Variants in MAGI1 observed in about 807,000 individuals in gnomAD.
The protein encoded by MAGI1 is membrane-associated guanylate kinase, WW and PDZ domain-containing protein 1.
Under a neutral mutation model 139.9 loss-of-function variants are expected in MAGI1, and 58 were observed. The observed-to-expected ratio is 0.41, with a 90% confidence interval of 0.34 to 0.52. MAGI1 has a LOEUF of 0.52. Ranked by LOEUF, MAGI1 falls within the 20% of genes least tolerant of loss-of-function variation. The pLI is 0.12. For synonymous variants in MAGI1, 812 were observed against 737.9 expected (o/e 1.10, Z -1.63); for missense variants, 1,874 against 1,901.6 (o/e 0.99, Z 0.27).
chr3:65,427,336 C>T (rs912991919), intron 12 of MAGI1, among the ~76,000 whole-genome samples: 1 of 151,972 alleles, frequency 6.6e-6, no homozygotes, highest in African/African-American at 2.4e-5. Flanking sequence ...AAAATAAAAT[C>T]AAGGAGTACG....
intron 2 of MAGI1, among the ~76,000 whole-genome samples, chr3:65,607,903 A>G (rs2082835318): frequency 6.6e-6 from 1 of 152,214 alleles, no homozygotes. Context: ...GAAGAAAAAA[A>G]TGTCAGAATA....
intron 2 of MAGI1, among the ~76,000 whole-genome samples, chr3:65,596,109 A>G (rs996497480): frequency 3.3e-5 from 5 of 152,202 alleles, no homozygotes; most frequent in African/African-American, 1.2e-4. Flanking sequence ...TAATTAATAC[A>G]GGCTTCCAAG....
chr3:65,749,671 G>A, intron 1 of MAGI1, among the ~76,000 whole-genome samples: 1 of 148,042 alleles, frequency 6.8e-6, no homozygotes, highest in African/African-American at 2.5e-5. Flanking sequence ...AAAACCTATG[G>A]GAATAAAATA....
chr3:65,387,689 C>G (rs1407512834), intron 14 of MAGI1, among the ~76,000 whole-genome samples: 2 of 152,102 alleles, frequency 1.3e-5, no homozygotes, highest in Non-Finnish European at 2.9e-5. Context: ...CATTTCAAGC[C>G]AGAATAGTCT....
intron 2 of MAGI1, among the ~76,000 whole-genome samples, chr3:65,617,532 A>T (rs910919906): frequency 6.6e-6 from 1 of 152,190 alleles, no homozygotes; most frequent in Non-Finnish European, 1.5e-5. Context: ...TGCAGGAGGT[A>T]CGGTGATATC....
At chr3:65,373,588 C>A (rs779204507) in intron 18 of MAGI1, among the ~76,000 whole-genome samples, 1 of 152,176 alleles carries the variant, frequency 6.6e-6, no homozygotes, top group East Asian at 1.9e-4. Context: ...ACCTGCAAAG[C>A]GCAATAAAAT....
intron 12 of MAGI1, among the ~76,000 whole-genome samples, chr3:65,410,330 C>A (rs1945693549): frequency 6.6e-6 from 1 of 152,186 alleles, no homozygotes; most frequent in Non-Finnish European, 1.5e-5. Flanking sequence ...ACTCTAAGTA[C>A]TAATATCTTC....
At chr3:65,531,691 C>T (rs1239257058) in intron 2 of MAGI1, among the ~76,000 whole-genome samples, 4 of 152,134 alleles carry the variant, frequency 2.6e-5, no homozygotes, top group African/African-American at 4.8e-5. Flanking sequence ...TAAGAACATA[C>T]ACGCCTTGGG....
intron 19 of MAGI1, 54 bp from the exon 20 acceptor site, chr3:65,364,779 G>A: frequency 3.1e-6 from 5 of 1,606,910 alleles, no homozygotes; most frequent in Non-Finnish European, 4.3e-6. Context: ...AACTGAGAAA[G>A]AATCAAGGAC....
At chr3:65,387,087 A>G in intron 14 of MAGI1, 2 of 1,473,374 alleles carry the variant, frequency 1.4e-6, no homozygotes, top group Non-Finnish European at 1.9e-6. Context: ...GACCAATGAG[A>G]ACATCAAACA....
intron 4 of MAGI1, among the ~76,000 whole-genome samples, chr3:65,473,229 A>G (rs1950660706): frequency 6.6e-6 from 1 of 152,144 alleles, no homozygotes; most frequent in Admixed American, 6.5e-5. Flanking sequence ...ATACATTACA[A>G]ATAGGTAGAA....
intron 12 of MAGI1, among the ~76,000 whole-genome samples, chr3:65,407,007 T>C (rs1945392007): frequency 6.6e-6 from 1 of 152,198 alleles, no homozygotes; most frequent in African/African-American, 2.4e-5. Flanking sequence ...AACCTATCAA[T>C]GCATAATTCT....
At chr3:65,699,134 C>T (rs2089425244) in intron 1 of MAGI1, among the ~76,000 whole-genome samples, 1 of 107,508 alleles carries the variant, frequency 9.3e-6, no homozygotes, top group Admixed American at 9.1e-5. Context: ...AAATGCTCAT[C>T]ATCACTGGCC....
At chr3:65,744,693 TTC>T (rs1461908504) in intron 1 of MAGI1, among the ~76,000 whole-genome samples, 3 of 147,410 alleles carry the variant, frequency 2.0e-5, no homozygotes, top group African/African-American at 7.3e-5. Flanking sequence ...TGTTTTTGTT[TTC>T]TGTTTTTTTT....
intron 1 of MAGI1, among the ~76,000 whole-genome samples, chr3:65,934,019 C>T (rs1392770513): frequency 2.0e-5 from 3 of 151,962 alleles, no homozygotes; most frequent in East Asian, 1.9e-4. Flanking sequence ...CCCAGCTACT[C>T]GGGAGGCTGA....
chr3:65,444,390 C>A (rs1948540507), intron 7 of MAGI1, among the ~76,000 whole-genome samples: 2 of 151,832 alleles, frequency 1.3e-5, no homozygotes, highest in Non-Finnish European at 2.9e-5. Flanking sequence ...TAAAAAAATG[C>A]AAATTGGTGC....
intron 1 of MAGI1, among the ~76,000 whole-genome samples, chr3:65,833,100 A>G (rs141282989): frequency 1.9e-3 from 278 of 146,668 alleles, no homozygotes; most frequent in African/African-American, 6.8e-3. Flanking sequence ...GTGGGCTAGG[A>G]CTGGAATGGA....
intron 2 of MAGI1, 31 bp downstream of exon 2, chr3:65,621,941 A>AC: frequency 7.6e-6 from 11 of 1,444,544 alleles, no homozygotes; most frequent in Non-Finnish European, 9.7e-6. Context: ...ACACACACAC[A>AC]GCAGTGAGAT....
intron 1 of MAGI1, among the ~76,000 whole-genome samples, chr3:65,861,091 T>C (rs1399910727): frequency 6.6e-6 from 1 of 152,114 alleles, no homozygotes; most frequent in Non-Finnish European, 1.5e-5. Flanking sequence ...AACGCGGCCT[T>C]TGATCATGGG....
Sources: gnomAD v4.1 joint callset for allele counts (sites outside exome capture counted in the v4.1 genomes callset) on GRCh38, gnomAD v4.1.1 for gene constraint, MANE v1.5 for transcripts, NCBI Gene and HGNC (gene_info 2026-07-23, HGNC 2026-07-21) for gene names.